Variants in CDH20 observed in about 807,000 individuals in gnomAD.
CDH20 encodes the protein cadherin-20.
In CDH20, 29 loss-of-function variants were observed where a neutral mutation model predicts 74.2. That is an observed-to-expected ratio of 0.39 (90% CI 0.29 to 0.53). The LOEUF is 0.53. Ranked by LOEUF, CDH20 falls within the 20% of genes least tolerant of loss-of-function variation. The pLI, the probability that CDH20 is intolerant of heterozygous loss-of-function variation, is 0.69. For missense variants in CDH20, 988 were observed against 1,048.3 expected, an observed-to-expected ratio of 0.94 and a Z score of 0.79; for synonymous variants, 469 against 405.4, an observed-to-expected ratio of 1.16 and a Z score of -1.88.
intron 1 of CDH20, among the ~76,000 whole-genome samples, chr18:61,424,984 CTTTA>C (rs1453908491): frequency 6.6e-6 from 1 of 151,376 alleles, no homozygotes; most frequent in Admixed American, 6.6e-5. Context: ...TTGATGGGTT[CTTTA>C]TTTTTTTCTC....
intron 1 of CDH20, among the ~76,000 whole-genome samples, chr18:61,410,757 A>C (rs1912467581): frequency 6.6e-6 from 1 of 152,240 alleles, no homozygotes; most frequent in Non-Finnish European, 1.5e-5. Flanking sequence ...ACAAATTTCA[A>C]ATAGATTAAA....
chr18:61,348,703 G>A (rs1910212332), intron 1 of CDH20, among the ~76,000 whole-genome samples: 1 of 152,132 alleles, frequency 6.6e-6, no homozygotes, highest in South Asian at 2.1e-4. Flanking sequence ...CTAAAGAAAG[G>A]AGGGATTGCA....
chr18:61,495,733 G>A (rs1315140620), intron 2 of CDH20, among the ~76,000 whole-genome samples: 1 of 152,154 alleles, frequency 6.6e-6, no homozygotes, highest in Non-Finnish European at 1.5e-5. Context: ...CCAGCCAGAG[G>A]GGCACTGGCT....
intron 1 of CDH20, among the ~76,000 whole-genome samples, chr18:61,417,338 A>G (rs1193729292): frequency 6.6e-6 from 1 of 152,104 alleles, no homozygotes; most frequent in Admixed American, 6.5e-5. Flanking sequence ...TCATAATATC[A>G]CTGTTTATTG....
At chr18:61,481,940 T>C (rs1372534903) in intron 1 of CDH20, among the ~76,000 whole-genome samples, 1 of 151,914 alleles carries the variant, frequency 6.6e-6, no homozygotes, top group Admixed American at 6.6e-5. Flanking sequence ...TATCCCCAGC[T>C]CCTAGCTAGA....
chr18:61,539,008 C>T lies in CDH20; in HGVS notation c.1409-16C>T. On this transcript the variant is annotated splice_polypyrimidine_tract_variant and intron_variant, in intron 8 of 11. Coordinates refer to ENST00000262717, the MANE Select transcript of CDH20 (RefSeq NM_031891.4). ...TACTAAACTCTCAGATTTGGTTTTC[C>T]TTGTGTTCCCTTTAGACAATCCCTC... 1.2e-6 allele frequency: 2 copies of T among 1,608,606 alleles called. No homozygotes were observed. Among genetic ancestry groups the T allele is most frequent in the African/African-American group, 1.3e-5 (1 of 74,656 alleles).
chr18:61,462,509 A>G (rs979113194), intron 1 of CDH20, among the ~76,000 whole-genome samples: 12 of 152,154 alleles, frequency 7.9e-5, no homozygotes, highest in African/African-American at 2.4e-4. Context: ...CATATCTTCT[A>G]GGAGGGACAC....
chr18:61,527,408 T>C (rs1912465398), intron 6 of CDH20, among the ~76,000 whole-genome samples: 1 of 150,884 alleles, frequency 6.6e-6, no homozygotes, highest in Non-Finnish European at 1.5e-5. Context: ...GATAGATAGA[T>C]AGATAGAATA....
At chr18:61,518,337 C>G (rs563943086) in intron 6 of CDH20, among the ~76,000 whole-genome samples, 1 of 152,316 alleles carries the variant, frequency 6.6e-6, no homozygotes, top group South Asian at 2.1e-4. Context: ...CACCTCTGAG[C>G]AGGGGTCAAC....
At chr18:61,430,558 C>A (rs1299332550) in intron 1 of CDH20, among the ~76,000 whole-genome samples, 1 of 151,920 alleles carries the variant, frequency 6.6e-6, no homozygotes, top group Non-Finnish European at 1.5e-5. Flanking sequence ...TGCTCCACAT[C>A]TCTGAAAGCA....
intron 1 of CDH20, among the ~76,000 whole-genome samples, chr18:61,451,324 A>G (rs1909379166): frequency 6.6e-6 from 1 of 152,066 alleles, no homozygotes; most frequent in African/African-American, 2.4e-5. Context: ...TTATTAAATT[A>G]TATAAAAAAA....
chr18:61,446,780 T>G (rs2144329207), intron 1 of CDH20, among the ~76,000 whole-genome samples: 1 of 152,336 alleles, frequency 6.6e-6, no homozygotes. Context: ...TGGATAGGTT[T>G]GTCCTTGTCT....
At chr18:61,342,743 G>T (rs1909992770) in intron 1 of CDH20, among the ~76,000 whole-genome samples, 1 of 152,088 alleles carries the variant, frequency 6.6e-6, no homozygotes, top group African/African-American at 2.4e-5. Flanking sequence ...CCTTATTATA[G>T]TATACATTTT....
intron 1 of CDH20, among the ~76,000 whole-genome samples, chr18:61,468,548 G>T (rs1910048612): frequency 6.6e-6 from 1 of 152,154 alleles, no homozygotes; most frequent in African/African-American, 2.4e-5. Flanking sequence ...GACTTTTAAT[G>T]CACTGTGTTT....
intron 6 of CDH20, among the ~76,000 whole-genome samples, chr18:61,525,024 C>G (rs1423184092): frequency 1.3e-5 from 2 of 148,722 alleles, no homozygotes; most frequent in Non-Finnish European, 3.0e-5. Flanking sequence ...TGTAGTTTAT[C>G]TGACATTATA....
At chr18:61,400,751 T>C (rs1267659153) in intron 1 of CDH20, among the ~76,000 whole-genome samples, 3 of 152,212 alleles carry the variant, frequency 2.0e-5, no homozygotes, top group Admixed American at 6.5e-5. Context: ...TATCAAGTGA[T>C]AGTGTTAGGA....
At chr18:61,416,540 A>C (rs574014974) in intron 1 of CDH20, among the ~76,000 whole-genome samples, 3 of 152,320 alleles carry the variant, frequency 2.0e-5, no homozygotes, top group African/African-American at 4.8e-5. Flanking sequence ...TTGCCTCACT[A>C]TCCAATTTAG....
At chr18:61,414,079 T>C (rs971980008) in intron 1 of CDH20, among the ~76,000 whole-genome samples, 7 of 152,168 alleles carry the variant, frequency 4.6e-5, no homozygotes, top group African/African-American at 1.7e-4. Context: ...ATTTGAATTC[T>C]TATGAATGAG....
intron 6 of CDH20, among the ~76,000 whole-genome samples, chr18:61,514,452 C>G (rs1165214870): frequency 6.6e-6 from 1 of 152,192 alleles, no homozygotes; most frequent in East Asian, 1.9e-4. Context: ...TGAATGTCCT[C>G]CCTTAGCTCA....
Sources: gnomAD v4.1 joint callset for allele counts (sites outside exome capture counted in the v4.1 genomes callset) on GRCh38, gnomAD v4.1.1 for gene constraint, MANE v1.5 for transcripts, NCBI Gene and HGNC (gene_info 2026-07-23, HGNC 2026-07-21) for gene names.